LMCD1: variants seen among roughly 807,000 people sequenced by gnomAD.
LMCD1 encodes LIM and cysteine rich domains 1.
Under a neutral mutation model 42.7 loss-of-function variants are expected in LMCD1, and 32 were observed. The ratio of observed to expected loss-of-function variants is 0.75; its 90% CI spans 0.57 to 1.01. The LOEUF (loss-of-function observed/expected upper bound fraction) is 1.01. Ranked by LOEUF, LMCD1 falls within the 50% of genes least tolerant of loss-of-function variation. LMCD1 has a pLI of 0.00. For missense variants in LMCD1, 458 were observed against 483.1 expected, an observed-to-expected ratio of 0.95 and a Z score of 0.49; for synonymous variants, 178 against 184.9, an observed-to-expected ratio of 0.96 and a Z score of 0.30.
At chr3:8,563,781 C>A (rs920025178) in intron 4 of LMCD1, among the ~76,000 whole-genome samples, 21 of 152,172 alleles carry the variant, frequency 1.4e-4, no homozygotes, top group African/African-American at 5.1e-4. Flanking sequence ...ACTGCCTCCA[C>A]CAGAAGGTCA....
chr3:8,537,011 AAAT>A (rs1251728398), intron 2 of LMCD1, among the ~76,000 whole-genome samples, 171 bp from the exon 3 acceptor site: 5 of 152,202 alleles, frequency 3.3e-5, no homozygotes, highest in African/African-American at 1.2e-4. Flanking sequence ...GTCATTTCCC[AAAT>A]GCAGTTCCCA....
At position 8,566,345 on chromosome 3, in the gene LMCD1, A is replaced by T. The variant is rs1033361821; in HGVS notation, c.939+698A>T. Among the ~76,000 whole-genome samples, 9 of 152,368 alleles carry T rather than the reference A, an allele frequency of 5.9e-5. No homozygotes were observed. In the East Asian group the frequency reaches 1.7e-3, roughly 29 times the overall value. ...TATTTGCATGCCTTTGGTTGCAGGC[A>T]ATATACTAACTTCATCTTTGGCATG... is the stretch of plus-strand genomic sequence containing the variant. On this transcript the variant is annotated intron_variant, in intron 5 of 5. Transcript: ENST00000157600.
rs376881910 is a variant in LMCD1 at position 8,501,893 on chromosome 3, G to T, written c.-46G>T. ...CGCTGTCCCCGCTGCGCGCCCTCGC[G>T]CCTCTGCCTGAGAAGCCAGGCGCTG... On this transcript the variant is annotated 5_prime_UTR_variant, in exon 1 of 6. Transcript: ENST00000157600. 5 of 1,565,146 alleles carry T rather than the reference G, an allele frequency of 3.2e-6. No homozygotes were observed. The Admixed American group carries it at 5.6e-5, about 18-fold the overall frequency.
At chr3:8,543,214 T>C (rs895197877) in intron 3 of LMCD1, among the ~76,000 whole-genome samples, 1 of 152,124 alleles carries the variant, frequency 6.6e-6, no homozygotes, top group Non-Finnish European at 1.5e-5. Context: ...CCCTAACGCA[T>C]CTCTGCAGGG....
At chr3:8,535,518 A>G (rs2125024160) in intron 2 of LMCD1, among the ~76,000 whole-genome samples, 1 of 152,296 alleles carries the variant, frequency 6.6e-6, no homozygotes, top group South Asian at 2.1e-4. Context: ...TCACCGTATC[A>G]AAGTCAAAGG....
chr3:8,541,497 C>G (rs996245945), intron 3 of LMCD1, among the ~76,000 whole-genome samples: 1 of 152,036 alleles, frequency 6.6e-6, no homozygotes, highest in Admixed American at 6.6e-5. Flanking sequence ...TGCAGTGAGC[C>G]GAGATTGTGC....
chr3:8,558,054 T>C (rs929863406), intron 4 of LMCD1, among the ~76,000 whole-genome samples: 1 of 152,134 alleles, frequency 6.6e-6, no homozygotes, highest in Non-Finnish European at 1.5e-5. Flanking sequence ...TCCCAAGGTG[T>C]GTGTACTGAG....
rs1694778948 is a variant in LMCD1 at position 8,548,549 on chromosome 3, TCCTC to T, written c.388-17_388-14del. ...GCCCCATCCACATCATGTTGTCTCT[TCCTC>T]CTCCTCCTCCCTAGGGACTGCAGTA... is the stretch of plus-strand genomic sequence containing the variant. On this transcript the variant is annotated splice_polypyrimidine_tract_variant and intron_variant, in intron 3 of 5. Transcript: ENST00000157600. The T allele has an allele frequency of 1.3e-6, 2 of 1,531,680 alleles. No individual in the cohort carries two copies. The allele number at this position is 1,531,680 out of a possible 1,614,324, so 94.9% of individuals were successfully genotyped here. A position where few individuals can be genotyped will look rare whatever the true frequency, so the allele number is the denominator to read the frequency against.
chr3:8,504,004 T>C (rs1158291936), intron 1 of LMCD1, among the ~76,000 whole-genome samples: 4 of 152,202 alleles, frequency 2.6e-5, no homozygotes, highest in Admixed American at 1.3e-4. Context: ...GTTCTCCTTC[T>C]TGTCACCCCC....
chr3:8,563,909 C>A (rs950929927), intron 4 of LMCD1, among the ~76,000 whole-genome samples: 1 of 152,204 alleles, frequency 6.6e-6, no homozygotes, highest in African/African-American at 2.4e-5. Flanking sequence ...TAACATCAGG[C>A]AAATCCCAAC....
chr3:8,560,810 AC>A (rs1695021227), intron 4 of LMCD1, among the ~76,000 whole-genome samples: 1 of 152,010 alleles, frequency 6.6e-6, no homozygotes. Flanking sequence ...TGAGCGAAAA[AC>A]TCACACCACT....
Position 8,569,218 on chromosome 3 carries a change from C to G in LMCD1, c.*1620C>G, listed in dbSNP as rs1351489084. Reference sequence around the variant, plus strand: ...CTTTATTTCCCTAGATTTCTAGTTCCCTATTTCTTCCTAAGCATGCAGAAG... The same window carrying G: ...CTTTATTTCCCTAGATTTCTAGTTCGCTATTTCTTCCTAAGCATGCAGAAG... On this transcript the variant is annotated 3_prime_UTR_variant, in exon 6 of 6. Coordinates refer to ENST00000157600, the MANE Select transcript of LMCD1 (RefSeq NM_014583.4). 1 of 152,104 alleles carries G rather than the reference C, an allele frequency of 6.6e-6. No individual in the cohort carries two copies. The highest frequency in any genetic ancestry group is 1.5e-5 in the Non-Finnish European group (1 of 68,034). The allele number at this position is 152,104 out of a possible 1,614,324, so 9.4% of individuals were successfully genotyped here. A position where few individuals can be genotyped will look rare whatever the true frequency, so the allele number is the denominator to read the frequency against.
intron 4 of LMCD1, chr3:8,550,941 G>C: frequency 1.0e-6 from 1 of 985,378 alleles, no homozygotes; most frequent in African/African-American, 1.7e-5. Context: ...AAAGGCAAAG[G>C]CAGCCCAAGA....
intron 1 of LMCD1, among the ~76,000 whole-genome samples, chr3:8,523,866 C>T (rs1183598211): frequency 1.3e-5 from 2 of 152,182 alleles, no homozygotes; most frequent in African/African-American, 2.4e-5. Context: ...GGACCTGTCT[C>T]AGGAGGAGAG....
chr3:8,506,558 A>G (rs1693886314), intron 1 of LMCD1, among the ~76,000 whole-genome samples: 1 of 152,176 alleles, frequency 6.6e-6, no homozygotes, highest in Non-Finnish European at 1.5e-5. Context: ...TAGAGCTGAC[A>G]GGGCTCCAGG....
intron 4 of LMCD1, among the ~76,000 whole-genome samples, chr3:8,560,845 C>T (rs1695021710): frequency 6.6e-6 from 1 of 152,118 alleles, no homozygotes; most frequent in Admixed American, 6.5e-5. Context: ...GTAACTGAAA[C>T]CACAAATCTA....
rs138135298 is a variant in LMCD1, at chr3:8,525,970, A to G, written c.43-6767A>G. 3.6e-4 allele frequency among the ~76,000 whole-genome samples: 55 copies of G among 152,322 alleles called. No homozygotes were observed. The East Asian group carries it at 0.01, about 29-fold the overall frequency. ...AGGGAACCACTGTTGTAGCCCCTCG[A>G]TACTCAAAGCGTGGTCCCTGGGACA... On this transcript the variant is annotated intron_variant, in intron 1 of 5. Coordinates refer to ENST00000157600, the MANE Select transcript of LMCD1 (RefSeq NM_014583.4).
chr3:8,515,141 C>T (rs769315293), intron 1 of LMCD1: 8 of 387,246 alleles, frequency 2.1e-5, no homozygotes, highest in Non-Finnish European at 4.2e-5. Context: ...GGAGGTGTCA[C>T]GTTAGGGGAG....
chr3:8,547,315 A>G (rs796202571), intron 3 of LMCD1, among the ~76,000 whole-genome samples: 8 of 152,328 alleles, frequency 5.3e-5, no homozygotes, highest in African/African-American at 1.9e-4. Flanking sequence ...GACTCATGTT[A>G]AATGGTACAC....
Sources: gnomAD v4.1 joint callset for allele counts (sites outside exome capture counted in the v4.1 genomes callset) on GRCh38, gnomAD v4.1.1 for gene constraint, MANE v1.5 for transcripts, NCBI Gene and HGNC (gene_info 2026-07-23, HGNC 2026-07-21) for gene names.